The following KHSRP variants were observed in gnomAD, a reference collection of about 807,000 sequenced individuals.
KHSRP encodes KH-type splicing regulatory protein.
KHSRP carries 13 observed loss-of-function variants against 94.9 expected under a neutral mutation model. That is an observed-to-expected ratio of 0.14 (90% CI 0.09 to 0.22). The LOEUF is 0.22. Ranked by LOEUF, KHSRP falls within the 10% of genes least tolerant of loss-of-function variation. The pLI, the probability that KHSRP is intolerant of heterozygous loss-of-function variation, is 1.00. For missense variants in KHSRP, 710 were observed against 1,010.0 expected, an observed-to-expected ratio of 0.70 and a Z score of 4.03; for synonymous variants, 495 against 401.4, an observed-to-expected ratio of 1.23 and a Z score of -2.79.
At chr19:6,421,440 A>T (rs1599244404) in intron 3 of KHSRP, 123 bp from the exon 4 acceptor site, 1 of 1,088,944 alleles carries the variant, frequency 9.2e-7, no homozygotes, top group African/African-American at 1.6e-5. Flanking sequence ...CCAGTGCCTC[A>T]TGGATGCTGT....
Position 6,415,043 on chromosome 19 carries a change from G to T in KHSRP, c.2225C>A (p.Pro742His), listed in dbSNP as rs1387113035. 6.5e-7 allele frequency: 1 copy of T among 1,535,670 alleles called. No individual in the cohort carries two copies. The highest frequency in any genetic ancestry group is 8.7e-7 in the Non-Finnish European group (1 of 1,150,218). ...ALVGSAGNPF[P>H]CGVCP ...CAGGCATCAAGGGCACACCCCGCAG[G>T]GGAAGGGGTTTCCGGCGCTACCCAC... Residue 742 changes from proline (P) to histidine (H), a missense_variant, in exon 19 of 19, where the codon CCC (proline) becomes CAC (histidine). By Grantham distance (77) the Pro-to-His change is moderately conservative. Coordinates refer to ENST00000600480, the MANE Select transcript of KHSRP (RefSeq NM_001366299.1).
intron 1 of KHSRP, among the ~76,000 whole-genome samples, chr19:6,423,839 C>CG (rs2092210413): frequency 1.3e-5 from 2 of 152,186 alleles, no homozygotes; most frequent in Admixed American, 6.5e-5. Flanking sequence ...CCTCAATACA[C>CG]GGGGGTGGGA....
In KHSRP at chr19:6,414,774, T is replaced by A. The variant is rs570140613; in HGVS notation, c.*250A>T. The A allele has an allele frequency of 5.8e-3, 6,569 of 1,125,348 alleles. 22 individuals carry two copies. The highest frequency in any genetic ancestry group is 6.6e-3 in the Non-Finnish European group (6,029 of 919,714). The allele number at this position is 1,125,348 out of a possible 1,614,324, so 69.7% of individuals were successfully genotyped here. ...ACGTTTTCTTCCCAAGTGGCCAGAT[T>A]GTGAGCGAGGTGGTGGCGGCCGGGC... On this transcript the variant is annotated 3_prime_UTR_variant, in exon 19 of 19. Coordinates refer to ENST00000600480, the MANE Select transcript of KHSRP (RefSeq NM_001366299.1).
At chr19:6,420,336 C>T in intron 5 of KHSRP, 86 bp downstream of exon 5, 2 of 1,377,898 alleles carry the variant, frequency 1.5e-6, no homozygotes, top group Non-Finnish European at 2.1e-6. Flanking sequence ...CCCTCTCAGA[C>T]CAGGGCTTCT....
At chr19:6,421,506 G>A (rs1170735149) in intron 3 of KHSRP, 144 bp downstream of exon 3, 7 of 1,065,958 alleles carry the variant, frequency 6.6e-6, no homozygotes, top group Non-Finnish European at 4.3e-6. Flanking sequence ...GGGTTCCTGG[G>A]ATCCCTCAAA....
intron 6 of KHSRP, 42 bp from the exon 7 acceptor site, chr19:6,419,302 G>A (rs770423960): frequency 2.3e-5 from 35 of 1,516,890 alleles, no homozygotes; most frequent in Non-Finnish European, 3.0e-5. Context: ...CTGGCCCACA[G>A]GCAGAGAAAG....
At position 6,414,577 on chromosome 19, in the gene KHSRP, C is replaced by G. The variant is rs889350081; in HGVS notation, c.*447G>C. The stretch of plus-strand genomic sequence containing the variant: ...AAGCGCGAGCGCATGGGAGGCTGAG[C>G]CCGGCGGGGCAGGGGCCTGGGCCGC... On this transcript the variant is annotated 3_prime_UTR_variant, in exon 19 of 19. Coordinates refer to ENST00000600480, the MANE Select transcript of KHSRP (RefSeq NM_001366299.1). The G allele has an allele frequency of 1.4e-5, 14 of 1,016,010 alleles. No individual in the cohort carries two copies. In the African/African-American group the frequency reaches 1.7e-4, roughly 12 times the overall value. 62.9% of individuals were successfully genotyped at this position (1,016,010 alleles called of 1,614,324 possible).
Position 6,416,795 on chromosome 19 carries a change from C to G in KHSRP, c.1270G>C (p.Gly424Arg). The change falls in exon 13 of 19, where the codon GGC (glycine) becomes CGC (arginine). Residue 424 changes from glycine to arginine, a missense_variant. Physicochemically the swap from Gly to Arg is moderately radical, Grantham distance 125. Transcript: ENST00000600480. ...GGGATGGAGAAGGTCATCTCCCCGC[C>G]AGGGGGACCCCAATTGCCTTGGCCT... ...GRGQGNWGPP[G>R]GEMTFSIPTH... The G allele has an allele frequency of 6.3e-7, 1 of 1,586,504 alleles. No individual in the cohort carries two copies. The highest frequency in any genetic ancestry group is 8.6e-7 in the Non-Finnish European group (1 of 1,166,352).
intron 10 of KHSRP, 63 bp from the exon 11 acceptor site, chr19:6,417,904 GC>G: frequency 6.3e-7 from 1 of 1,599,440 alleles, no homozygotes; most frequent in Non-Finnish European, 8.6e-7. Flanking sequence ...CTGCCCACTG[GC>G]CACAAGGAGC....
In KHSRP at chr19:6,415,283, C is replaced by G. The variant is rs2092134862; in HGVS notation, c.1985G>C (p.Gly662Ala). The change falls in exon 19 of 19, where the codon GGG becomes GCG. Residue 662 changes from glycine (G) to alanine (A), a missense_variant. This residue lies in a region of KHSRP where 292 missense variants were observed against 340.5 expected (regional missense o/e 0.86). Coordinates refer to ENST00000600480, the MANE Select transcript of KHSRP (RefSeq NM_001366299.1). ...YKKQAQVATG[G>A]GPGAPPGSQP... Reference sequence around the variant, plus strand: ...GGAGCCTGGGGGAGCTCCTGGACCCCCTCCGGTGGCCACTTGCGCTGTGGG... The same window carrying G: ...GGAGCCTGGGGGAGCTCCTGGACCCGCTCCGGTGGCCACTTGCGCTGTGGG... The G allele has an allele frequency of 6.2e-7, 1 of 1,613,014 alleles. No homozygotes were observed. Among genetic ancestry groups the G allele is most frequent in the South Asian group, 1.1e-5 (1 of 91,086 alleles).
rs367845189 is a variant in KHSRP, at chr19:6,416,841, C to T, written c.1224G>A (p.Pro408=). 45 of 1,596,724 alleles carry T rather than the reference C, an allele frequency of 2.8e-5. No individual in the cohort carries two copies. In the African/African-American group the frequency reaches 4.6e-4, roughly 16 times the overall value. ...PGPPGGPGMP[P]GGRGRGRGQG... ...GGCCTCTTCCTCGGCCTCGGCCCCC[C>T]GGGGGCATGCCTGGACCCCCTGGAG... The change falls in exon 13 of 19, where the codon CCG becomes CCA. Residue 408 remains proline (P), a synonymous_variant. Transcript: ENST00000600480.
rs2092112489 is a variant in KHSRP at position 6,413,236 on chromosome 19, T to C, written c.*1788A>G. On this transcript the variant is annotated 3_prime_UTR_variant, in exon 19 of 19. Coordinates refer to ENST00000600480, the MANE Select transcript of KHSRP (RefSeq NM_001366299.1). ...AAAAAAAAACACAAAGTTTGTAAAT[T>C]TCAATCACCATTATCAGGCTTTTTA... 6.5e-6 allele frequency: 1 copy of C among 154,564 alleles called. No individual in the cohort carries two copies. The highest frequency in any genetic ancestry group is 2.4e-5 in the African/African-American group (1 of 40,914). 9.6% of individuals were successfully genotyped at this position (154,564 alleles called of 1,614,324 possible).
In KHSRP at chr19:6,414,750, C is replaced by A; in HGVS notation, c.*274G>T. On this transcript the variant is annotated 3_prime_UTR_variant, in exon 19 of 19. Transcript: ENST00000600480. ...GATGCAGAGAAGGGGAAAAAATAGACGTTTTCTTCCCAAGTGGCCAGATTG... is the reference window on the plus strand; with the variant it reads ...GATGCAGAGAAGGGGAAAAAATAGAAGTTTTCTTCCCAAGTGGCCAGATTG... 1.9e-6 allele frequency: 2 copies of A among 1,077,002 alleles called. No homozygotes were observed. The highest frequency in any genetic ancestry group is 4.1e-5 in the South Asian group (1 of 24,656). The allele number at this position is 1,077,002 out of a possible 1,614,324, so 66.7% of individuals were successfully genotyped here. A position where few individuals can be genotyped will look rare whatever the true frequency, so the allele number is the denominator to read the frequency against.
At position 6,414,905 on chromosome 19, in the gene KHSRP, G is replaced by A. The variant is rs2092131530; in HGVS notation, c.*119C>T. The A allele has an allele frequency of 7.2e-7, 1 of 1,390,494 alleles. No homozygotes were observed. The allele number at this position is 1,390,494 out of a possible 1,614,324, so 86.1% of individuals were successfully genotyped here. A position where few individuals can be genotyped will look rare whatever the true frequency, so the allele number is the denominator to read the frequency against. The stretch of plus-strand genomic sequence containing the variant: ...CCCAGCATCACGACAGCGGCACACA[G>A]GAACAAGCAGCCGGCGCAGGGAGGC... On this transcript the variant is annotated 3_prime_UTR_variant, in exon 19 of 19. Transcript: ENST00000600480.
intron 1 of KHSRP, among the ~76,000 whole-genome samples, chr19:6,423,495 G>A (rs1280135674): frequency 6.6e-6 from 1 of 152,232 alleles, no homozygotes; most frequent in African/African-American, 2.4e-5. Context: ...CAGGGGGCCT[G>A]TCCCCACCAA....
At position 6,413,146 on chromosome 19, in the gene KHSRP, G is replaced by GA. The variant is rs1428066684; in HGVS notation, c.*1877_*1878insT. ...ACTTTATTTAACAAAAAAAAAAAAG[G>GA]GGGGGGGGCACGGTTAGGAAAGCAC... On this transcript the variant is annotated 3_prime_UTR_variant, in exon 19 of 19. Coordinates refer to ENST00000600480, the MANE Select transcript of KHSRP (RefSeq NM_001366299.1). Among the ~76,000 whole-genome samples, 1 of 144,616 alleles carries GA rather than the reference G, an allele frequency of 6.9e-6. No homozygotes were observed. The highest frequency in any genetic ancestry group is 2.6e-5 in the African/African-American group (1 of 38,388). The allele number at this position is 144,616 out of a possible 152,430, so 94.9% of individuals were successfully genotyped here. A position where few individuals can be genotyped will look rare whatever the true frequency, so the allele number is the denominator to read the frequency against.
chr19:6,418,418 C>A lies in KHSRP; in HGVS notation c.879+65G>T. The A allele has an allele frequency of 1.9e-5, 23 of 1,181,888 alleles. No homozygotes were observed. The South Asian group carries it at 2.5e-4, about 13-fold the overall frequency. The allele number at this position is 1,181,888 out of a possible 1,614,324, so 73.2% of individuals were successfully genotyped here. ...TCTGGCGGAATGCAGACCCCGAGAC[C>A]GCTGGCCCTGCCCACCTGCCCGTGC... is the stretch of plus-strand genomic sequence containing the variant. On this transcript the variant is annotated intron_variant, in intron 9 of 18. Coordinates refer to ENST00000600480, the MANE Select transcript of KHSRP (RefSeq NM_001366299.1). This position sits in a 1 kb window ranked among gnomAD's most constrained non-coding sequence, Gnocchi z 4.3.
chr19:6,413,413 A>ATT lies in KHSRP; in HGVS notation c.*1609_*1610dup. The ATT allele has an allele frequency of 2.5e-6, 1 of 406,016 alleles. No homozygotes were observed. Among genetic ancestry groups the ATT allele is most frequent in the Admixed American group, 3.0e-5 (1 of 33,430 alleles). The allele number at this position is 406,016 out of a possible 1,614,324, so 25.2% of individuals were successfully genotyped here. ...GATAAAAAGTAAAAACTGCCATACA[A>ATT]TTTTTTTTGTTGTTCTCATTTTGTT... On this transcript the variant is annotated 3_prime_UTR_variant, in exon 19 of 19. Coordinates refer to ENST00000600480, the MANE Select transcript of KHSRP (RefSeq NM_001366299.1).
At position 6,413,458 on chromosome 19, in the gene KHSRP, T is replaced by C. The variant is rs1268773165; in HGVS notation, c.*1566A>G. ...TTTGTTTTCAGTTTCAATCTCCTCTTGAACAGATGAAAAGACAACAGACCA... is the reference window on the plus strand; with the variant it reads ...TTTGTTTTCAGTTTCAATCTCCTCTCGAACAGATGAAAAGACAACAGACCA... On this transcript the variant is annotated 3_prime_UTR_variant, in exon 19 of 19. Coordinates refer to ENST00000600480, the MANE Select transcript of KHSRP (RefSeq NM_001366299.1). 4 of 389,782 alleles carry C rather than the reference T, an allele frequency of 1.0e-5. No individual in the cohort carries two copies. Among genetic ancestry groups the C allele is most frequent in the African/African-American group, 4.6e-5 (2 of 43,828 alleles). 24.1% of individuals were successfully genotyped at this position (389,782 alleles called of 1,614,324 possible). A position where few individuals can be genotyped will look rare whatever the true frequency, so the allele number is the denominator to read the frequency against.
Sources: allele counts gnomAD v4.1 joint callset (sites outside exome capture counted in the v4.1 genomes callset), GRCh38; gene constraint gnomAD v4.1.1; regional missense constraint gnomAD v4.1.1; non-coding constraint Gnocchi (gnomAD v3.1); transcripts MANE v1.5; gene names NCBI Gene and HGNC (gene_info 2026-07-23, HGNC 2026-07-21).